SYNE2: variants seen among roughly 807,000 people sequenced by gnomAD.
SYNE2 encodes nesprin-2.
In SYNE2, 431 loss-of-function variants were observed where a neutral mutation model predicts 856.3. That is an observed-to-expected ratio of 0.50 (90% CI 0.47 to 0.55). SYNE2 has a LOEUF of 0.55. Ranked by LOEUF, SYNE2 falls within the 20% of genes least tolerant of loss-of-function variation. The pLI is 0.00. For synonymous variants in SYNE2, 2,923 were observed against 2,872.3 expected (o/e 1.02, Z -0.56); for missense variants, 8,129 against 8,023.2 (o/e 1.01, Z -0.50).
rs115861170 is a variant in SYNE2, at chr14:64,185,956, C to T, written c.17557-468C>T. 5.8e-3 allele frequency among the ~76,000 whole-genome samples: 878 copies of T among 152,174 alleles called. 11 individuals are homozygous for T. The highest frequency in any genetic ancestry group is 0.02 in the African/African-American group (837 of 41,514). On this transcript the variant is annotated intron_variant, in intron 96 of 115. Transcript: ENST00000555002. The stretch of plus-strand genomic sequence containing the variant: ...TTCAAAAGTTAACCAAAAATAATTC[C>T]CTGTGAACAGAAGTTGTTGCTGTTA...
At chr14:64,023,105 A>G (rs984574505) in intron 38 of SYNE2, 1 of 457,160 alleles carries the variant, frequency 2.2e-6, no homozygotes, top group African/African-American at 2.0e-5. Context: ...AAAAATACAA[A>G]AATTAGCTGG....
chr14:63,884,403 G>T (rs766581549), intron 1 of SYNE2, among the ~76,000 whole-genome samples: 1 of 152,126 alleles, frequency 6.6e-6, no homozygotes, highest in African/African-American at 2.4e-5. Flanking sequence ...CGTCTGCTTG[G>T]TACCTACTTT....
intron 1 of SYNE2, among the ~76,000 whole-genome samples, chr14:63,783,215 T>A (rs924828276): frequency 1.5e-4 from 23 of 152,192 alleles, no homozygotes; most frequent in Admixed American, 1.2e-3. Flanking sequence ...TTATAAGTGT[T>A]TGGTAGTTCC....
At chr14:63,846,124 A>T in intron 1 of SYNE2, among the ~76,000 whole-genome samples, 1 of 147,384 alleles carries the variant, frequency 6.8e-6, no homozygotes, top group East Asian at 2.0e-4. Flanking sequence ...ATTATGGCTC[A>T]CCAGAGCCTC....
chr14:64,150,132 C>T (rs1174927848), intron 84 of SYNE2, among the ~76,000 whole-genome samples: 3 of 147,816 alleles, frequency 2.0e-5, no homozygotes, highest in South Asian at 4.3e-4. Context: ...CCACTCTGGG[C>T]GCGGTGGCTC....
intron 84 of SYNE2, among the ~76,000 whole-genome samples, chr14:64,149,376 G>A (rs574395829): frequency 6.6e-6 from 1 of 152,232 alleles, no homozygotes; most frequent in East Asian, 1.9e-4. Context: ...CTTATCCCAG[G>A]GCAGAATGCT....
chr14:64,168,725 A>G, intron 92 of SYNE2, 152 bp from the exon 93 acceptor site: 1 of 637,156 alleles, frequency 1.6e-6, no homozygotes, highest in Non-Finnish European at 2.8e-6. Flanking sequence ...TTGATATGAT[A>G]GTTGAACATT....
At chr14:64,136,655 C>A (rs75412858) in intron 78 of SYNE2, among the ~76,000 whole-genome samples, 1 of 152,112 alleles carries the variant, frequency 6.6e-6, no homozygotes, top group South Asian at 2.1e-4. Flanking sequence ...TTTTTCTTTC[C>A]GTGAAGTTGG....
intron 89 of SYNE2, among the ~76,000 whole-genome samples, chr14:64,164,618 CA>C (rs2098359667): frequency 6.6e-6 from 1 of 152,126 alleles, no homozygotes; most frequent in South Asian, 2.1e-4. Context: ...CATGGAGTTG[CA>C]GTATCACATC....
At chr14:63,894,803 A>G (rs988841229) in intron 1 of SYNE2, among the ~76,000 whole-genome samples, 5 of 152,096 alleles carry the variant, frequency 3.3e-5, no homozygotes, top group Admixed American at 6.5e-5. Flanking sequence ...GTTCCATACT[A>G]CCCTAGAAAC....
At chr14:64,015,047 A>G (rs1237869248) in intron 32 of SYNE2, among the ~76,000 whole-genome samples, 1 of 144,702 alleles carries the variant, frequency 6.9e-6, no homozygotes, top group Non-Finnish European at 1.5e-5. Context: ...GTATATATGT[A>G]TATATATAAA....
At chr14:63,859,115 C>G (rs925748143) in intron 1 of SYNE2, among the ~76,000 whole-genome samples, 1 of 151,902 alleles carries the variant, frequency 6.6e-6, no homozygotes, top group African/African-American at 2.4e-5. Context: ...TTGTTCCCAG[C>G]CATCTACTGG....
chr14:64,056,256 G>A lies in SYNE2; in HGVS notation c.10057G>A (p.Glu3353Lys). The change falls in exon 49 of 116, where the codon GAG (glutamate) becomes AAG (lysine). Residue 3353 changes from glutamate to lysine, a missense_variant. Coordinates refer to ENST00000555002, the MANE Select transcript of SYNE2 (RefSeq NM_182914.3). ...MKEAFKAQET[E>K]AERYLENYKC... ...GGAAGCTTTCAAAGCACAGGAAACT[G>A]AGGCAGAAAGGTAGGTCCTCTTCCA... The A allele has an allele frequency of 1.2e-5, 20 of 1,613,950 alleles. No individual in the cohort carries two copies. Among genetic ancestry groups the A allele is most frequent in the Non-Finnish European group, 1.7e-5 (20 of 1,179,892 alleles).
chr14:63,967,490 C>A (rs1443334361), intron 10 of SYNE2, among the ~76,000 whole-genome samples: 6 of 152,174 alleles, frequency 3.9e-5, no homozygotes, highest in Admixed American at 3.9e-4. Context: ...CAACAATACA[C>A]AAAGCACAGA....
At position 64,052,164 on chromosome 14, in the gene SYNE2, A is replaced by C. The variant is rs1417842294; in HGVS notation, c.8251A>C (p.Asn2751His). The part of the protein sequence containing the change: ...LWAKNLLGEL[N>H]PSIPLLPDDI... ...GGCCAAGAATTTGTTGGGTGAACTT[A>C]ATCCCTCCATTCCCCTTCTCCCAGA... Residue 2751 changes from asparagine (N) to histidine (H), a missense_variant, in exon 48 of 116, where the codon AAT becomes CAT. By Grantham distance (68) the Asn-to-His change is moderately conservative. Transcript: ENST00000555002. The C allele has an allele frequency of 1.2e-6, 2 of 1,614,084 alleles. No individual in the cohort carries two copies. The highest frequency in any genetic ancestry group is 1.7e-6 in the Non-Finnish European group (2 of 1,180,052).
chr14:64,153,900 A>G (rs1335645049), intron 85 of SYNE2, among the ~76,000 whole-genome samples: 1 of 152,244 alleles, frequency 6.6e-6, no homozygotes, highest in Non-Finnish European at 1.5e-5. Context: ...TTGATTTTCA[A>G]CAAGGATCCT....
At chr14:63,930,835 A>T (rs1227244193) in intron 2 of SYNE2, among the ~76,000 whole-genome samples, 1 of 152,038 alleles carries the variant, frequency 6.6e-6, no homozygotes, top group African/African-American at 2.4e-5. Context: ...CACACCATAT[A>T]ATAAACAAGC....
chr14:64,163,743 G>A (rs2098348029), intron 89 of SYNE2, among the ~76,000 whole-genome samples, 162 bp downstream of exon 89: 1 of 152,098 alleles, frequency 6.6e-6, no homozygotes, highest in Non-Finnish European at 1.5e-5. Flanking sequence ...CAATCACATG[G>A]GCAGATCTTA....
At chr14:63,990,365 A>G (rs1321241105) in intron 19 of SYNE2, 46 bp from the exon 20 acceptor site, 1 of 1,570,704 alleles carries the variant, frequency 6.4e-7, no homozygotes, top group South Asian at 1.1e-5. Context: ...TGTTTAGCAT[A>G]TAATCAGAAT....
Sources: allele counts gnomAD v4.1 joint callset (sites outside exome capture counted in the v4.1 genomes callset), GRCh38; gene constraint gnomAD v4.1.1; transcripts MANE v1.5; gene names NCBI Gene and HGNC (gene_info 2026-07-23, HGNC 2026-07-21).